WDR31: variants seen among roughly 807,000 people sequenced by gnomAD.
WDR31 encodes the protein WD repeat domain 31, also known as WD repeat-containing protein 31.
Under a neutral mutation model 47.3 loss-of-function variants are expected in WDR31, and 30 were observed. That is an observed-to-expected ratio of 0.63 (90% CI 0.47 to 0.86). The LOEUF (loss-of-function observed/expected upper bound fraction) is 0.86, where lower values mean the gene tolerates loss of function less well. WDR31 is among the 40% of genes least tolerant of loss of function. The probability of loss-of-function intolerance (pLI) is 0.00; values close to 1 mark genes in which losing one functional copy is unlikely to be tolerated. For missense variants in WDR31, 406 were observed against 442.9 expected (o/e 0.92, Z 0.75); for synonymous variants, 137 against 159.4 (o/e 0.86, Z 1.06).
chr9:113,322,748 AGCC>A, intron 7 of WDR31, 60 bp downstream of exon 7: 1 of 1,540,190 alleles, frequency 6.5e-7, no homozygotes, highest in Non-Finnish European at 8.9e-7. Flanking sequence ...TTATCTCCCG[AGCC>A]TTTCCTTCAC....
intron 2 of WDR31, among the ~76,000 whole-genome samples, chr9:113,336,083 T>C (rs1833709911): frequency 6.6e-6 from 1 of 152,228 alleles, no homozygotes; most frequent in Non-Finnish European, 1.5e-5. Context: ...CAGGGCTTCT[T>C]ATCTGCCAGC....
chr9:113,333,022 A>C (rs1193243354), intron 2 of WDR31, among the ~76,000 whole-genome samples: 2 of 152,206 alleles, frequency 1.3e-5, no homozygotes, highest in Non-Finnish European at 2.9e-5. Flanking sequence ...AGCCTGCGTC[A>C]CACTTTTCAT....
intron 5 of WDR31, among the ~76,000 whole-genome samples, chr9:113,326,545 C>T (rs1833474617): frequency 6.6e-6 from 1 of 152,122 alleles, no homozygotes; most frequent in Non-Finnish European, 1.5e-5. Flanking sequence ...TAGCTCACTG[C>T]AGCCTCCATC....
intron 1 of WDR31, among the ~76,000 whole-genome samples, chr9:113,337,012 AT>A (rs1160204236): frequency 2.0e-5 from 3 of 152,258 alleles, no homozygotes; most frequent in African/African-American, 7.2e-5. Flanking sequence ...TTGCATTTTA[AT>A]AACTCAATTT....
At chr9:113,323,521 C>G (rs1833379394) in intron 5 of WDR31, among the ~76,000 whole-genome samples, 1 of 152,024 alleles carries the variant, frequency 6.6e-6, no homozygotes. Context: ...CTCGGCCTCC[C>G]AAAGTACTGG....
rs769901420 is a variant in WDR31, at chr9:113,316,698, A to G, written c.*51T>C. ...AGATAACTGGGAAAGACACAAAGCC[A>G]TGCTGAGGAGGAGCCATGGTTTGAT... On this transcript the variant is annotated 3_prime_UTR_variant, in exon 11 of 11. Transcript: ENST00000374193. The G allele has an allele frequency of 2.5e-6, 4 of 1,579,202 alleles. No individual in the cohort carries two copies. The highest frequency in any genetic ancestry group is 3.4e-6 in the Non-Finnish European group (4 of 1,161,978).
rs72758277 is a variant in WDR31 at position 113,315,670 on chromosome 9, G to T, written c.*1079C>A. ...TCTTTTTTCCTGTATGTGGTTTTTTGTTTTTTTTTTTTTCAAGACAAGGTC... is the reference window on the plus strand; with the variant it reads ...TCTTTTTTCCTGTATGTGGTTTTTTTTTTTTTTTTTTTTCAAGACAAGGTC... On this transcript the variant is annotated 3_prime_UTR_variant, in exon 11 of 11. Transcript: ENST00000374193. 0.033 allele frequency: 4,819 copies of T among 144,146 alleles called. 150 individuals carry two copies. Among genetic ancestry groups the T allele is most frequent in the Admixed American group, 0.1 (1,450 of 14,386 alleles). 8.9% of individuals were successfully genotyped at this position (144,146 alleles called of 1,614,324 possible). A position where few individuals can be genotyped will look rare whatever the true frequency, so the allele number is the denominator to read the frequency against.
intron 7 of WDR31, 65 bp downstream of exon 7, chr9:113,322,746 C>A: frequency 6.5e-7 from 1 of 1,530,400 alleles, no homozygotes; most frequent in South Asian, 1.2e-5. Flanking sequence ...ATTTATCTCC[C>A]GAGCCTTTCC....
chr9:113,320,405 C>T lies in WDR31; in HGVS notation c.732G>A (p.Lys244=), dbSNP rs748920854. The T allele has an allele frequency of 4.3e-6, 7 of 1,614,270 alleles. No homozygotes were observed. Among genetic ancestry groups the T allele is most frequent in the Middle Eastern group, 1.6e-4 (1 of 6,062 alleles). The change falls in exon 9 of 11, where the codon AAG becomes AAA. Residue 244 remains lysine, a synonymous_variant. Transcript: ENST00000374193. ...CAAAGCCATTGCTGCAGGAGATACACTTGTGTCCATCCACACTGACTTCAC... is the reference window on the plus strand; with the variant it reads ...CAAAGCCATTGCTGCAGGAGATACATTTGTGTCCATCCACACTGACTTCAC... ...TYCEVSVDGH[K]CISCSNGFGG...
intron 3 of WDR31, 46 bp from the exon 4 acceptor site, chr9:113,331,162 A>G (rs1437453505): frequency 1.0e-5 from 2 of 191,918 alleles, no homozygotes; most frequent in Admixed American, 6.2e-5. Flanking sequence ...ATGGGAGTGG[A>G]TGGGGGTGGG....
At chr9:113,324,838 G>A (rs1010625369) in intron 5 of WDR31, among the ~76,000 whole-genome samples, 3,897 of 65,066 alleles carry the variant, frequency 0.06, 131 homozygotes, top group African/African-American at 0.15. Context: ...ATGTGTGTGT[G>A]TGTGTGTGTG....
rs1588034727 is a variant in WDR31 at position 113,313,628 on chromosome 9, G to C, written c.*3121C>G. 4 of 152,352 alleles carry C rather than the reference G, an allele frequency of 2.6e-5. 1 individual carries two copies. Among genetic ancestry groups the C allele is most frequent in the African/African-American group, 9.6e-5 (4 of 41,582 alleles). 9.4% of individuals were successfully genotyped at this position (152,352 alleles called of 1,614,324 possible). ...TTCATACCTCAGCTCTTCTTAATATGTGTGTGACTTTGGGCAAAGTACTGC... is the reference window on the plus strand; with the variant it reads ...TTCATACCTCAGCTCTTCTTAATATCTGTGTGACTTTGGGCAAAGTACTGC... On this transcript the variant is annotated 3_prime_UTR_variant, in exon 11 of 11. Coordinates refer to ENST00000374193, the MANE Select transcript of WDR31 (RefSeq NM_001012361.4).
rs774204704 is a variant in WDR31 at position 113,320,483 on chromosome 9, C to G, written c.654G>C (p.Arg218=). 3.1e-6 allele frequency: 5 copies of G among 1,613,874 alleles called. No homozygotes were observed. The African/African-American group carries it at 6.7e-5, about 22-fold the overall frequency. ...GAAACATATGAGCTACCTGCAGCCC[C>G]CGACTGTCCCATAATCTGAAAGAGA... ...EDKTLRLWDS[R]GLQVAHMFPA... The change falls in exon 9 of 11, where the codon CGG becomes CGC. Residue 218 remains arginine, a synonymous_variant. Coordinates refer to ENST00000374193, the MANE Select transcript of WDR31 (RefSeq NM_001012361.4).
Position 113,328,930 on chromosome 9 carries a change from GT to G in WDR31, c.274del (p.Thr92LeufsTer5). On this transcript the variant is annotated frameshift_variant, in exon 5 of 11. Coordinates refer to ENST00000374193, the MANE Select transcript of WDR31 (RefSeq NM_001012361.4). LOFTEE classifies it high-confidence loss of function. ...TTTGAACCTTTTCACCACATTTCCAGTTTTCCAATTATAGGCCACAACTGTC... is the reference window on the plus strand; with the variant it reads ...TTTGAACCTTTTCACCACATTTCCAGTTTCCAATTATAGGCCACAACTGTC... Reference protein sequence around the residue: ...DKTVVAYNWKTGNVVKRFKGH... With the variant: ...DKTVVAYNWKXGNVVKRFKGH... The G allele has an allele frequency of 6.2e-7, 1 of 1,614,032 alleles. No homozygotes were observed. The highest frequency in any genetic ancestry group is 8.5e-7 in the Non-Finnish European group (1 of 1,179,952).
chr9:113,334,075 C>T (rs1333733260), intron 2 of WDR31, among the ~76,000 whole-genome samples: 1 of 151,814 alleles, frequency 6.6e-6, no homozygotes, highest in Non-Finnish European at 1.5e-5. Flanking sequence ...GTGGTGTGAT[C>T]TCACTGTACC....
Position 113,315,024 on chromosome 9 carries a change from G to A in WDR31, c.*1725C>T, listed in dbSNP as rs150132482. On this transcript the variant is annotated 3_prime_UTR_variant, in exon 11 of 11. Transcript: ENST00000374193. ...GAAGAGGAAACAGATTTTATAACTT[G>A]CCCAAGATCATCCAGCTAAATGGAG... 1.3e-5 allele frequency: 2 copies of A among 152,306 alleles called. No homozygotes were observed. The highest frequency in any genetic ancestry group is 3.9e-4 in the East Asian group (2 of 5,176). 9.4% of individuals were successfully genotyped at this position (152,306 alleles called of 1,614,324 possible). A position where few individuals can be genotyped will look rare whatever the true frequency, so the allele number is the denominator to read the frequency against.
At chr9:113,320,335 T>A in intron 9 of WDR31, 22 bp downstream of exon 9, 1 of 1,612,804 alleles carries the variant, frequency 6.2e-7, no homozygotes, top group Non-Finnish European at 8.5e-7. Context: ...ACCAGATACC[T>A]GGACCTCACA....
Position 113,323,059 on chromosome 9 carries a change from G to C in WDR31, c.421C>G (p.Gln141Glu). Residue 141 changes from glutamine to glutamate, a missense_variant, in exon 6 of 11, where the codon CAA (glutamine) becomes GAA (glutamate). Coordinates refer to ENST00000374193, the MANE Select transcript of WDR31 (RefSeq NM_001012361.4). ...ACCACCATGGCATGGCCACACAATT[G>C]CTGCCTTGGTTGTGAGGAACCGTGC... ...DLHGSSQPRQ[Q>E]LCGHAMVVTG... The C allele has an allele frequency of 6.2e-7, 1 of 1,614,148 alleles. No homozygotes were observed. The highest frequency in any genetic ancestry group is 8.5e-7 in the Non-Finnish European group (1 of 1,180,040).
intron 3 of WDR31, 54 bp from the exon 4 acceptor site, chr9:113,331,170 GGGGTGGGGTGGGGTA>G: frequency 1.6e-6 from 2 of 1,270,580 alleles, no homozygotes; most frequent in Non-Finnish European, 2.1e-6. Context: ...GGATGGGGGT[GGGGTGGGGTGGGGTA>G]GGGAGAAGAA....
Sources: allele counts gnomAD v4.1 joint callset (sites outside exome capture counted in the v4.1 genomes callset), GRCh38; gene constraint gnomAD v4.1.1; transcripts MANE v1.5; gene names NCBI Gene and HGNC (gene_info 2026-07-23, HGNC 2026-07-21).